Variants in SHOX observed in about 807,000 individuals in gnomAD.
SHOX encodes the protein SHOX homeobox, also known as short stature homeobox protein.
Under a neutral mutation model 29.6 loss-of-function variants are expected in SHOX, and 12 were observed. The ratio of observed to expected loss-of-function variants is 0.41; its 90% CI spans 0.26 to 0.66. The LOEUF is 0.66. Ranked by LOEUF, SHOX falls within the 30% of genes least tolerant of loss-of-function variation. The pLI is 0.35. For synonymous variants in SHOX, 214 were observed against 200.6 expected, an observed-to-expected ratio of 1.07 and a Z score of -0.57; for missense variants, 499 against 437.7, an observed-to-expected ratio of 1.14 and a Z score of -1.25.
At chrX:653,104 G>A (rs2053091164), downstream of SHOX, among the ~76,000 whole-genome samples, 2 of 152,110 alleles carry the variant, frequency 1.3e-5, no homozygotes, top group African/African-American at 4.8e-5. Flanking sequence ...AGCCGGGCGT[G>A]GTGGTGTGTA....
rs187354261 is a variant in SHOX at position 651,046 on chromosome X, C to T, written c.*6410C>T. On this transcript the variant is annotated 3_prime_UTR_variant, in exon 5 of 5. Coordinates refer to ENST00000686671, the MANE Select transcript of SHOX (RefSeq NM_000451.4). ...TTCAGCCCATTGTACGTGCAGGTCC[C>T]GTGGGAAGGAGGCAAAAGCCCCTGC... Among the ~76,000 whole-genome samples the T allele has an allele frequency of 3.4e-3, 516 of 151,960 alleles. 1 individual carries two copies. The highest frequency in any genetic ancestry group is 5.0e-3 in the Non-Finnish European group (339 of 67,984).
Position 646,287 on chromosome X carries a change from G to A in SHOX, c.*1651G>A, listed in dbSNP as rs2052963910. ...TGCCCCCAGATTTCGGGAGATCCAC[G>A]TTCCATGTTCTGATTGGTTTTCTGG... On this transcript the variant is annotated 3_prime_UTR_variant, in exon 5 of 5. Coordinates refer to ENST00000686671, the MANE Select transcript of SHOX (RefSeq NM_000451.4). 2.0e-5 allele frequency: 3 copies of A among 151,900 alleles called. No individual in the cohort carries two copies. The highest frequency in any genetic ancestry group is 2.1e-4 in the South Asian group (1 of 4,808). 9.4% of individuals were successfully genotyped at this position (151,900 alleles called of 1,614,324 possible). A position where few individuals can be genotyped will look rare whatever the true frequency, so the allele number is the denominator to read the frequency against.
intron 4 of SHOX, among the ~76,000 whole-genome samples, chrX:641,706 A>G: frequency 7.2e-6 from 1 of 139,370 alleles, no homozygotes; most frequent in Non-Finnish European, 1.6e-5. Flanking sequence ...AAAAAAAAAA[A>G]TCAGGCTGTA....
intron 2 of SHOX, among the ~76,000 whole-genome samples, chrX:637,450 G>A (rs1201011924): frequency 2.0e-5 from 3 of 151,776 alleles, no homozygotes; most frequent in African/African-American, 7.3e-5. Context: ...GTTCAGCTGC[G>A]GAAAATTGGT....
chrX:631,162 A>G lies in SHOX; in HGVS notation c.265A>G (p.Arg89Gly), dbSNP rs2052641516. 2.5e-6 allele frequency: 4 copies of G among 1,612,770 alleles called. No individual in the cohort carries two copies. In the African/African-American group the frequency reaches 5.3e-5, roughly 21 times the overall value. ...GAAACTGAAAGAATTCGGCACCGCG[A>G]GAGTGGCAGAAGGTAAGTTCCTTTG... ...KEKLKEFGTA[R>G]VAEGIYECKE... is the part of the protein sequence containing the mutation. The change falls in exon 1 of 5, where the codon AGA becomes GGA. Residue 89 changes from arginine to glycine, a missense_variant. Arg to Gly is a moderately radical substitution (Grantham distance 125). Coordinates refer to ENST00000686671, the MANE Select transcript of SHOX (RefSeq NM_000451.4).
chrX:632,473 C>T (rs984789367), intron 1 of SHOX, among the ~76,000 whole-genome samples: 2 of 152,186 alleles, frequency 1.3e-5, no homozygotes, highest in Non-Finnish European at 2.9e-5. Flanking sequence ...AGAATCTAGC[C>T]TCGGCTTTTG....
intron 1 of SHOX, chrX:624,621 C>CTT (rs1217993035): frequency 6.6e-6 from 1 of 152,092 alleles, no homozygotes; most frequent in Admixed American, 6.5e-5. Context: ...GGTTTTGGAA[C>CTT]TTTCCTTTTC....
chrX:630,948 G>A lies in SHOX; in HGVS notation c.51G>A (p.Lys17=), dbSNP rs746710945. 2 of 1,613,868 alleles carry A rather than the reference G, an allele frequency of 1.2e-6. No individual in the cohort carries two copies. The highest frequency in any genetic ancestry group is 2.2e-5 in the East Asian group (1 of 44,874). ...CCAAGTCTTTTGACCAGAAAAGCAAGGACGGTAACGGCGGAGGCGGAGGCG... is the reference window on the plus strand; with the variant it reads ...CCAAGTCTTTTGACCAGAAAAGCAAAGACGGTAACGGCGGAGGCGGAGGCG... The part of the protein sequence containing the change: ...FVSKSFDQKS[K]DGNGGGGGGG... Residue 17 remains lysine (K), a synonymous_variant, in exon 1 of 5, where the codon AAG becomes AAA. Transcript: ENST00000686671.
upstream of SHOX, among the ~76,000 whole-genome samples, chrX:628,753 G>C (rs370877811): frequency 3.0e-3 from 14 of 4,712 alleles, no homozygotes; most frequent in Admixed American, 6.3e-3. Context: ...CTCTCTATCT[G>C]TCTGTCTCTC....
intron 1 of SHOX, among the ~76,000 whole-genome samples, chrX:632,351 C>T (rs2052665979): frequency 1.3e-5 from 2 of 152,196 alleles, no homozygotes; most frequent in Non-Finnish European, 2.9e-5. Flanking sequence ...GATCTCTGTG[C>T]ACACACGACA....
chrX:630,300 C>T (rs2052622871), upstream of SHOX, among the ~76,000 whole-genome samples: 1 of 71,730 alleles, frequency 1.4e-5, no homozygotes, highest in Non-Finnish European at 3.6e-5. Flanking sequence ...GTCCCCGGGG[C>T]GCCCGGATCC....
chrX:655,031 C>T (rs767482821), downstream of SHOX, among the ~76,000 whole-genome samples: 25 of 151,912 alleles, frequency 1.6e-4, no homozygotes, highest in Middle Eastern at 3.4e-3. Flanking sequence ...TGCAGGAAGC[C>T]ATGATTGCAC....
upstream of SHOX, among the ~76,000 whole-genome samples, chrX:626,458 T>C (rs1238949467): frequency 1.5e-5 from 2 of 135,840 alleles, no homozygotes; most frequent in African/African-American, 5.6e-5. Context: ...TCTTTCTCTG[T>C]ATCTCTGTCT....
At chrX:657,598 C>A (rs2053165254) in intron 5 of SHOX, among the ~76,000 whole-genome samples, 1 of 152,128 alleles carries the variant, frequency 6.6e-6, no homozygotes, top group African/African-American at 2.4e-5. Flanking sequence ...TATGTTTTAT[C>A]ATAAAAGCAC....
intron 1 of SHOX, among the ~76,000 whole-genome samples, chrX:624,766 T>A (rs1039662099): frequency 8.1e-6 from 1 of 123,736 alleles, no homozygotes; most frequent in East Asian, 2.4e-4. Context: ...CTTGGCAAGA[T>A]TGGTTTTGGA....
At chrX:654,515 A>C (rs1426123801), downstream of SHOX, among the ~76,000 whole-genome samples, 1 of 152,146 alleles carries the variant, frequency 6.6e-6, no homozygotes, top group East Asian at 1.9e-4. Flanking sequence ...GGCTATAAAA[A>C]ATTGAATAAA....
Position 645,575 on chromosome X carries a change from C to T in SHOX, c.*939C>T, listed in dbSNP as rs1327084233. On this transcript the variant is annotated 3_prime_UTR_variant, in exon 5 of 5. Coordinates refer to ENST00000686671, the MANE Select transcript of SHOX (RefSeq NM_000451.4). ...AGATTAAAAAAAAAATAGCCGTGCA[C>T]TCTTGACCCCGTCAGCGTCCAACGT... The T allele has an allele frequency of 6.6e-6, 1 of 151,864 alleles. No homozygotes were observed. The allele number at this position is 151,864 out of a possible 1,614,324, so 9.4% of individuals were successfully genotyped here.
At chrX:636,295 A>G (rs1187797774) in intron 2 of SHOX, among the ~76,000 whole-genome samples, 1 of 143,830 alleles carries the variant, frequency 7.0e-6, no homozygotes, top group Non-Finnish European at 1.5e-5. Flanking sequence ...ATATAAATAT[A>G]TTAACATATA....
intron 4 of SHOX, among the ~76,000 whole-genome samples, chrX:642,418 G>C (rs756428754): frequency 6.6e-6 from 1 of 152,086 alleles, no homozygotes; most frequent in African/African-American, 2.4e-5. Context: ...AGGGACTTGG[G>C]GGGTGGCGGT....
Sources: allele counts gnomAD v4.1 joint callset (sites outside exome capture counted in the v4.1 genomes callset), GRCh38; gene constraint gnomAD v4.1.1; transcripts MANE v1.5; gene names NCBI Gene and HGNC (gene_info 2026-07-23, HGNC 2026-07-21).